Variants in WDR26 observed in about 807,000 individuals in gnomAD.
WDR26 encodes the protein WD repeat domain 26.
A neutral mutation model predicts 84.1 loss-of-function variants in WDR26; 5 were observed. That is an observed-to-expected ratio of 0.06 (90% confidence interval 0.03 to 0.13). The LOEUF (loss-of-function observed/expected upper bound fraction) is 0.13, where lower values mean the gene tolerates loss of function less well. Among genes scored for constraint, WDR26 ranks in the 10% least tolerant of loss-of-function variants. The probability of loss-of-function intolerance (pLI) is 1.00; values close to 1 mark genes in which losing one functional copy is unlikely to be tolerated. For synonymous variants in WDR26, 415 were observed against 389.6 expected (o/e 1.07, Z -0.77); for missense variants, 642 against 974.9 (o/e 0.66, Z 4.55).
At chr1:224,396,445 T>G (rs962626776) in intron 12 of WDR26, among the ~76,000 whole-genome samples, 14 of 152,122 alleles carry the variant, frequency 9.2e-5, no homozygotes, top group African/African-American at 3.4e-4. Flanking sequence ...CTTAACATAT[T>G]TAGACCACAG....
At chr1:224,407,491 A>G (rs962076938) in intron 7 of WDR26, among the ~76,000 whole-genome samples, 9 of 148,764 alleles carry the variant, frequency 6.0e-5, no homozygotes, top group Non-Finnish European at 1.0e-4. Flanking sequence ...AAGGGCATAT[A>G]TATATATATA....
At position 224,425,552 on chromosome 1, in the gene WDR26, T is replaced by C. The variant is rs374424633; in HGVS notation, c.928-898A>G. On this transcript the variant is annotated intron_variant, in intron 3 of 13. Transcript: ENST00000414423. ...AATACTTTTAAATGCTACTTTATTATTTTACTTTTAACTTGAAACCACGTG... is the reference window on the plus strand; with the variant it reads ...AATACTTTTAAATGCTACTTTATTACTTTACTTTTAACTTGAAACCACGTG... Among the ~76,000 whole-genome samples, 19 of 152,356 alleles carry C rather than the reference T, an allele frequency of 1.2e-4. No homozygotes were observed. The South Asian group carries it at 3.7e-3, about 30-fold the overall frequency.
intron 3 of WDR26, among the ~76,000 whole-genome samples, chr1:224,427,020 T>C (rs529510509): frequency 3.6e-4 from 53 of 147,398 alleles, no homozygotes; most frequent in African/African-American, 1.1e-3. Context: ...GGAGAATCGA[T>C]TGAAACTGGA....
chr1:224,393,356 T>G (rs1673176276), intron 13 of WDR26, among the ~76,000 whole-genome samples: 1 of 152,264 alleles, frequency 6.6e-6, no homozygotes, highest in Admixed American at 6.5e-5. Context: ...TCTCTTTCCC[T>G]ATCCATTAAA....
chr1:224,433,823 C>A lies in WDR26; in HGVS notation c.583G>T (p.Ala195Ser). 1 of 1,536,910 alleles carries A rather than the reference C, an allele frequency of 6.5e-7. No homozygotes were observed. The highest frequency in any genetic ancestry group is 8.7e-7 in the Non-Finnish European group (1 of 1,146,798). ...GAGGAGGCGGCGGTGGTGGCGGAGG[C>A]AGCTGCGACGGTGGCTGAGGATGCG... The change falls in exon 1 of 14, where the codon GCC becomes TCC. Residue 195 changes from alanine (A) to serine (S), a missense_variant. Transcript: ENST00000414423.
At chr1:224,407,151 A>AAAAAGAATATATATAT in intron 7 of WDR26, among the ~76,000 whole-genome samples, 3 of 11,876 alleles carry the variant, frequency 2.5e-4, no homozygotes, top group Middle Eastern at 0.071. Context: ...AAAAAAAAAA[A>AAAAAGAATATATATAT]ATATATATAT....
intron 6 of WDR26, among the ~76,000 whole-genome samples, chr1:224,415,813 C>A (rs909181441): frequency 1.3e-5 from 2 of 152,026 alleles, no homozygotes; most frequent in Admixed American, 6.5e-5. Flanking sequence ...TAAGGAGTAG[C>A]CAGGAGTTAA....
In WDR26 at chr1:224,398,287, T is replaced by C. The variant is rs755802294; in HGVS notation, c.1945-61A>G. On this transcript the variant is annotated intron_variant, in intron 11 of 13. Transcript: ENST00000414423. The stretch of plus-strand genomic sequence containing the variant: ...CTCAACTCAAACAAATTTTAAAAAG[T>C]ATCTGTAAATATCCCTTTGCCTGAT... The C allele has an allele frequency of 5.1e-6, 8 of 1,560,114 alleles. No individual in the cohort carries two copies. In the South Asian group the frequency reaches 7.2e-5, roughly 14 times the overall value.
chr1:224,399,146 T>C, intron 9 of WDR26, 112 bp from the exon 10 acceptor site: 2 of 954,080 alleles, frequency 2.1e-6, no homozygotes, highest in Non-Finnish European at 2.9e-6. Flanking sequence ...TTTTTTTTTT[T>C]CCTGAGACTG....
chr1:224,433,624 C>CCAAA, intron 1 of WDR26, 60 bp downstream of exon 1: 1 of 1,224,446 alleles, frequency 8.2e-7, no homozygotes, highest in Non-Finnish European at 1.0e-6. Flanking sequence ...CTTCCCCTAC[C>CCAAA]CCCCTGGAGC....
chr1:224,409,236 G>C (rs1673665639), intron 7 of WDR26, among the ~76,000 whole-genome samples: 1 of 152,028 alleles, frequency 6.6e-6, no homozygotes, highest in Non-Finnish European at 1.5e-5. Flanking sequence ...TCTGCTGCTA[G>C]AATTTATTAT....
At chr1:224,416,115 G>T (rs918667557) in intron 6 of WDR26, among the ~76,000 whole-genome samples, 5 of 152,170 alleles carry the variant, frequency 3.3e-5, no homozygotes, top group Non-Finnish European at 4.4e-5. Context: ...GTAAGTAGGA[G>T]CATAGAGTGA....
intron 6 of WDR26, among the ~76,000 whole-genome samples, chr1:224,416,155 C>T (rs1394413950): frequency 1.3e-5 from 2 of 151,870 alleles, no homozygotes; most frequent in Non-Finnish European, 2.9e-5. Flanking sequence ...CAGAGAAGAC[C>T]TTCTAATCAG....
chr1:224,391,156 C>T (rs367910257), intron 13 of WDR26, among the ~76,000 whole-genome samples: 4 of 151,218 alleles, frequency 2.6e-5, no homozygotes, highest in South Asian at 4.2e-4. Context: ...CACCTGAAGT[C>T]GGGAGTTCAA....
At chr1:224,422,499 T>C (rs929228889) in intron 4 of WDR26, among the ~76,000 whole-genome samples, 2 of 152,184 alleles carry the variant, frequency 1.3e-5, no homozygotes, top group Non-Finnish European at 2.9e-5. Context: ...GTGGATCACC[T>C]GAGGTCAGAA....
At chr1:224,433,593 G>GCCCCCCACCCCCCCCCC in intron 1 of WDR26, 91 bp downstream of exon 1, 1 of 829,660 alleles carries the variant, frequency 1.2e-6, no homozygotes, top group Non-Finnish European at 1.8e-6. Flanking sequence ...GCTCTTTCAA[G>GCCCCCCACCCCCCCCCC]CCCCCCTCCC....
chr1:224,390,611 T>A (rs1054727915), intron 13 of WDR26, among the ~76,000 whole-genome samples: 11 of 151,950 alleles, frequency 7.2e-5, no homozygotes, highest in Non-Finnish European at 1.6e-4. Context: ...TCCTACTCCA[T>A]TTTTTTGGGG....
intron 4 of WDR26, among the ~76,000 whole-genome samples, 166 bp from the exon 5 acceptor site, chr1:224,419,781 C>T (rs1674007159): frequency 6.6e-6 from 1 of 152,102 alleles, no homozygotes; most frequent in South Asian, 2.1e-4. Flanking sequence ...CATATAATTA[C>T]TAAAATGTAA....
chr1:224,393,841 G>A lies in WDR26; in HGVS notation c.2247C>T (p.His749=). 1.3e-6 allele frequency: 2 copies of A among 1,540,330 alleles called. No homozygotes were observed. The highest frequency in any genetic ancestry group is 1.8e-6 in the Non-Finnish European group (2 of 1,125,192). ...CAAAGGTATTACCTTCAATATTCTG[G>A]TGGTCTATAAAAGGTGCTGGTCCCC... Residue 749 remains histidine (H), a synonymous_variant, in exon 13 of 14, where the codon CAC becomes CAT. Transcript: ENST00000414423.
Sources: gnomAD v4.1 joint callset for allele counts (sites outside exome capture counted in the v4.1 genomes callset) on GRCh38, gnomAD v4.1.1 for gene constraint, MANE v1.5 for transcripts, NCBI Gene and HGNC (gene_info 2026-07-23, HGNC 2026-07-21) for gene names.